EML5: variants seen among roughly 807,000 people sequenced by gnomAD.
EML5 encodes echinoderm microtubule-associated protein-like 5.
EML5 carries 120 observed loss-of-function variants against 250.0 expected under a neutral mutation model. That is an observed-to-expected ratio of 0.48 (90% CI 0.41 to 0.56). The LOEUF is 0.56. Among genes scored for constraint, EML5 ranks in the 20% least tolerant of loss-of-function variants. The pLI is 0.00. For synonymous variants in EML5, 771 were observed against 806.5 expected, an observed-to-expected ratio of 0.96 and a Z score of 0.75; for missense variants, 2,006 against 2,437.6, an observed-to-expected ratio of 0.82 and a Z score of 3.73.
chr14:88,770,236 G>A (rs1223806397), intron 1 of EML5, among the ~76,000 whole-genome samples: 2 of 152,092 alleles, frequency 1.3e-5, no homozygotes, highest in Non-Finnish European at 2.9e-5. Context: ...CTACATACCT[G>A]CCATTGTCTT....
chr14:88,615,588 G>T lies in EML5; in HGVS notation c.*230C>A. 1 of 464,722 alleles carries T rather than the reference G, an allele frequency of 2.2e-6. No individual in the cohort carries two copies. Among genetic ancestry groups the T allele is most frequent in the Non-Finnish European group, 3.8e-6 (1 of 264,888 alleles). 28.8% of individuals were successfully genotyped at this position (464,722 alleles called of 1,614,324 possible). On this transcript the variant is annotated 3_prime_UTR_variant, in exon 44 of 44. Transcript: ENST00000554922. The stretch of plus-strand genomic sequence containing the variant: ...ACTTGGCCTTTACCATCAAGTATTC[G>T]ATCCTTCCTTGAAATGGCATTATCT...
chr14:88,711,696 T>C (rs1360992655), intron 10 of EML5, among the ~76,000 whole-genome samples: 1 of 151,990 alleles, frequency 6.6e-6, no homozygotes, highest in Non-Finnish European at 1.5e-5. Flanking sequence ...GTAATCCTAG[T>C]ACTCTGGGAG....
Position 88,618,245 on chromosome 14 carries a change from A to G in EML5, c.5625T>C (p.Thr1875=). 6.2e-7 allele frequency: 1 copy of G among 1,613,746 alleles called. No homozygotes were observed. The highest frequency in any genetic ancestry group is 1.3e-5 in the African/African-American group (1 of 75,048). ...GTATTTACCTAGTCCATGTAGCCCAAGTAATTCTGTCAATAGCGGCATGAT... is the reference window on the plus strand; with the variant it reads ...GTATTTACCTAGTCCATGTAGCCCAGGTAATTCTGTCAATAGCGGCATGAT... The part of the protein sequence containing the change: ...LMDHAAIDRI[T]WATWTSILGD... Residue 1875 remains threonine (T), a synonymous_variant, in exon 41 of 44, where the codon ACT becomes ACC. Transcript: ENST00000554922.
At chr14:88,683,487 T>C (rs1436453928) in intron 20 of EML5, among the ~76,000 whole-genome samples, 4 of 152,212 alleles carry the variant, frequency 2.6e-5, no homozygotes, top group African/African-American at 9.6e-5. Context: ...AATTATGTTA[T>C]ACAGCCATTA....
chr14:88,711,041 C>G (rs2093396891), intron 10 of EML5, among the ~76,000 whole-genome samples: 1 of 152,102 alleles, frequency 6.6e-6, no homozygotes, highest in African/African-American at 2.4e-5. Context: ...TAAGTAGGAG[C>G]AACGTCTAAG....
Position 88,620,678 on chromosome 14 carries a change from C to T in EML5, c.5375+76G>A. ...GGCCCTGGGGACCTCTTTTTGAAGG[C>T]AAGGCTATGGAAAATTTTACAAATG... On this transcript the variant is annotated intron_variant, in intron 39 of 43. Transcript: ENST00000554922. The surrounding 1 kb of genome is among the most constrained non-coding windows in gnomAD (Gnocchi z 4.3). 1 of 1,317,090 alleles carries T rather than the reference C, an allele frequency of 7.6e-7. No homozygotes were observed. Among genetic ancestry groups the T allele is most frequent in the Non-Finnish European group, 9.9e-7 (1 of 1,007,838 alleles). The allele number at this position is 1,317,090 out of a possible 1,614,324, so 81.6% of individuals were successfully genotyped here.
At chr14:88,754,176 A>T (rs1383674080) in intron 2 of EML5, among the ~76,000 whole-genome samples, 1 of 152,296 alleles carries the variant, frequency 6.6e-6, no homozygotes, top group East Asian at 1.9e-4. Flanking sequence ...TTTCTGAGAA[A>T]CTTAATTTTC....
intron 19 of EML5, 107 bp from the exon 20 acceptor site, chr14:88,685,249 T>C: frequency 1.1e-6 from 1 of 892,426 alleles, no homozygotes; most frequent in Non-Finnish European, 1.6e-6. Flanking sequence ...CATTACAAGG[T>C]TTTCTCCTGT....
chr14:88,710,111 A>G (rs904786566), intron 10 of EML5, among the ~76,000 whole-genome samples: 2 of 152,142 alleles, frequency 1.3e-5, no homozygotes, highest in African/African-American at 2.4e-5. Context: ...CACAGCCCCT[A>G]TGCTGCTGCC....
intron 7 of EML5, 126 bp from the exon 8 acceptor site, chr14:88,726,804 AAGAAATTCTTATCT>A: frequency 1.5e-6 from 1 of 676,908 alleles, no homozygotes; most frequent in Non-Finnish European, 2.3e-6. Flanking sequence ...GTTGTGTGGC[AAGAAATTCTTATCT>A]ATGAAAATGG....
At chr14:88,710,214 GA>G (rs1595612034) in intron 10 of EML5, among the ~76,000 whole-genome samples, 1 of 152,136 alleles carries the variant, frequency 6.6e-6, no homozygotes, top group Non-Finnish European at 1.5e-5. Context: ...AAAATATGAA[GA>G]GGGGTGGAAT....
At position 88,792,538 on chromosome 14, in the gene EML5, C is replaced by A. The variant is rs1462988823; in HGVS notation, c.-35G>T. ...CCCACCCGCCGCTCCCGCTCGGGCC[C>A]GCGGCGGCGACGGGAGGCGGCGGCG... On this transcript the variant is annotated 5_prime_UTR_variant, in exon 1 of 44. Coordinates refer to ENST00000554922, the MANE Select transcript of EML5 (RefSeq NM_183387.3). The surrounding 1 kb of genome is among the most constrained non-coding windows in gnomAD (Gnocchi z 6.9). The A allele has an allele frequency of 1.3e-5, 16 of 1,242,504 alleles. 1 individual carries two copies. The East Asian group carries it at 5.3e-4, about 41-fold the overall frequency. 77.0% of individuals were successfully genotyped at this position (1,242,504 alleles called of 1,614,324 possible).
At chr14:88,728,622 G>A (rs908375336) in intron 7 of EML5, among the ~76,000 whole-genome samples, 6 of 152,138 alleles carry the variant, frequency 3.9e-5, no homozygotes, top group Admixed American at 1.3e-4. Flanking sequence ...GTAGGCTGAG[G>A]AGGAGGAAGA....
At chr14:88,696,636 T>A (rs1291802152) in intron 15 of EML5, among the ~76,000 whole-genome samples, 1 of 152,206 alleles carries the variant, frequency 6.6e-6, no homozygotes, top group Non-Finnish European at 1.5e-5. Context: ...TTTTAATAAG[T>A]ATTAAAACTA....
chr14:88,644,647 C>T, intron 29 of EML5, 136 bp from the exon 30 acceptor site: 2 of 611,592 alleles, frequency 3.3e-6, no homozygotes, highest in Non-Finnish European at 5.7e-6. Flanking sequence ...CACTAGACTG[C>T]CCTCTTCATC....
chr14:88,687,276 A>G lies in EML5; in HGVS notation c.2794T>C (p.Phe932Leu). The change falls in exon 19 of 44, where the codon TTT becomes CTT. Residue 932 changes from phenylalanine (F) to leucine (L), a missense_variant. Phe to Leu is a conservative substitution (Grantham distance 22). Coordinates refer to ENST00000554922, the MANE Select transcript of EML5 (RefSeq NM_183387.3). ...GCATAGGTCTTGAGACATCTTTCAA[A>G]AGAGTCATCCCAAAGAGCTACTATA... The part of the protein sequence containing the change: ...DGIVALWDDS[F>L]ERCLKTYAIK... The G allele has an allele frequency of 3.1e-6, 5 of 1,612,644 alleles. No homozygotes were observed.
At chr14:88,659,202 G>A (rs893520446) in intron 25 of EML5, among the ~76,000 whole-genome samples, 3 of 151,474 alleles carry the variant, frequency 2.0e-5, no homozygotes, top group Admixed American at 1.3e-4. Flanking sequence ...AAAACACAGT[G>A]ATAGCAAAAT....
At chr14:88,726,754 C>T in intron 7 of EML5, 76 bp from the exon 8 acceptor site, 3 of 1,080,140 alleles carry the variant, frequency 2.8e-6, no homozygotes, top group Non-Finnish European at 3.8e-6. Context: ...TTAAAATAAT[C>T]TCATCTTAAT....
chr14:88,690,355 T>C (rs1046975662), intron 17 of EML5, among the ~76,000 whole-genome samples: 2 of 152,200 alleles, frequency 1.3e-5, no homozygotes, highest in African/African-American at 4.8e-5. Context: ...AGGTCAAGGA[T>C]GAAAGGAGTT....
Sources: allele counts gnomAD v4.1 joint callset (sites outside exome capture counted in the v4.1 genomes callset), GRCh38; gene constraint gnomAD v4.1.1; non-coding constraint Gnocchi (gnomAD v3.1); transcripts MANE v1.5; gene names NCBI Gene and HGNC (gene_info 2026-07-23, HGNC 2026-07-21).